The following PRKCH variants were observed in gnomAD, a reference collection of about 807,000 sequenced individuals.
PRKCH encodes the protein protein kinase C eta, also known as protein kinase C eta type.
A neutral mutation model predicts 82.5 loss-of-function variants in PRKCH; 28 were observed. The ratio of observed to expected loss-of-function variants is 0.34; its 90% CI spans 0.25 to 0.47. The LOEUF (loss-of-function observed/expected upper bound fraction) is 0.47. PRKCH is among the 20% of genes least tolerant of loss of function. The probability of loss-of-function intolerance (pLI) is 1.00; values close to 1 mark genes in which losing one functional copy is unlikely to be tolerated. For synonymous variants in PRKCH, 322 were observed against 327.4 expected, an observed-to-expected ratio of 0.98 and a Z score of 0.18; for missense variants, 705 against 881.8, an observed-to-expected ratio of 0.80 and a Z score of 2.54.
chr14:61,314,977 T>C (rs964343326), intron 1 of PRKCH, among the ~76,000 whole-genome samples: 2 of 152,222 alleles, frequency 1.3e-5, no homozygotes, highest in African/African-American at 4.8e-5. Context: ...ATATTTCTAG[T>C]TGTGGGTCGT....
chr14:61,209,642 G>C (rs1011917278), intron 1 of PRKCH, among the ~76,000 whole-genome samples: 2 of 152,112 alleles, frequency 1.3e-5, no homozygotes, highest in African/African-American at 4.8e-5. Flanking sequence ...TCCAAACTCA[G>C]GGTGCCATAA....
chr14:61,390,187 T>A (rs1021196841), intron 1 of PRKCH, among the ~76,000 whole-genome samples: 1 of 152,230 alleles, frequency 6.6e-6, no homozygotes, highest in Admixed American at 6.5e-5. Context: ...CCTAAGCTAG[T>A]GGTGATCAGA....
At chr14:61,292,771 CAAAA>C (rs33918460) in intron 1 of PRKCH, among the ~76,000 whole-genome samples, 2 of 69,580 alleles carry the variant, frequency 2.9e-5, no homozygotes, top group Non-Finnish European at 4.9e-5. Flanking sequence ...ACTCCATCTC[CAAAA>C]AAAAAAAAAA....
At chr14:61,523,596 A>T (rs187572379) in intron 10 of PRKCH, among the ~76,000 whole-genome samples, 1 of 152,320 alleles carries the variant, frequency 6.6e-6, no homozygotes, top group Non-Finnish European at 1.5e-5. Context: ...TAGATAAAGC[A>T]CTTAGCATTT....
At chr14:61,503,284 G>T (rs1248446398) in intron 10 of PRKCH, among the ~76,000 whole-genome samples, 5 of 149,656 alleles carry the variant, frequency 3.3e-5, no homozygotes, top group Non-Finnish European at 7.4e-5. Flanking sequence ...ATTTGTATGT[G>T]TGTTAGTGGT....
chr14:61,459,292 C>A (rs1262641294), intron 9 of PRKCH, among the ~76,000 whole-genome samples: 1 of 152,168 alleles, frequency 6.6e-6, no homozygotes. Flanking sequence ...GGGAGGCTGG[C>A]AATACACCTC....
intron 1 of PRKCH, among the ~76,000 whole-genome samples, chr14:61,307,853 G>A (rs1397848990): frequency 6.6e-6 from 1 of 152,086 alleles, no homozygotes; most frequent in African/African-American, 2.4e-5. Context: ...TTATTTTTGA[G>A]TGAGACAGGG....
intron 1 of PRKCH, among the ~76,000 whole-genome samples, chr14:61,227,308 G>C (rs1018152118): frequency 2.6e-5 from 4 of 152,218 alleles, no homozygotes; most frequent in African/African-American, 9.6e-5. Context: ...TAAGATTGCT[G>C]TTGTGGCTGG....
At chr14:61,506,198 CG>C (rs1315551379) in intron 10 of PRKCH, among the ~76,000 whole-genome samples, 17 of 152,314 alleles carry the variant, frequency 1.1e-4, no homozygotes, top group African/African-American at 4.1e-4. Flanking sequence ...GCTATTCCTA[CG>C]CAGTTTGGAT....
At chr14:61,358,477 T>G (rs528400029) in intron 1 of PRKCH, among the ~76,000 whole-genome samples, 2 of 152,352 alleles carry the variant, frequency 1.3e-5, no homozygotes, top group Admixed American at 1.3e-4. Context: ...TGGACATTTC[T>G]GAGTTTTCCT....
intron 1 of PRKCH, among the ~76,000 whole-genome samples, chr14:61,326,479 A>G (rs1360626838): frequency 1.3e-5 from 2 of 152,178 alleles, no homozygotes; most frequent in African/African-American, 2.4e-5. Flanking sequence ...TTTAGGGGAG[A>G]TGAATATTTG....
chr14:61,237,389 C>T (rs1594867488), intron 1 of PRKCH, among the ~76,000 whole-genome samples: 1 of 152,182 alleles, frequency 6.6e-6, no homozygotes, highest in Non-Finnish European at 1.5e-5. Flanking sequence ...AAAGCTGTCT[C>T]TTGTGAAAAA....
At chr14:61,499,274 T>C (rs1886795978) in intron 10 of PRKCH, among the ~76,000 whole-genome samples, 1 of 152,240 alleles carries the variant, frequency 6.6e-6, no homozygotes, top group Admixed American at 6.5e-5. Flanking sequence ...ATTGTACTTT[T>C]CTGTAAACTT....
chr14:61,435,380 T>C (rs1883627611), intron 2 of PRKCH, among the ~76,000 whole-genome samples: 1 of 152,210 alleles, frequency 6.6e-6, no homozygotes. Context: ...AAGACGTCTC[T>C]AAGGTTGTTT....
intron 1 of PRKCH, chr14:61,277,362 T>A (rs192187442): frequency 1.4e-4 from 21 of 152,390 alleles, no homozygotes; most frequent in Admixed American, 1.3e-4. Context: ...TCTCACCAAC[T>A]ACTTTACTTT....
intron 1 of PRKCH, among the ~76,000 whole-genome samples, chr14:61,294,960 C>T (rs1336879327): frequency 6.6e-6 from 1 of 152,106 alleles, no homozygotes; most frequent in Admixed American, 6.5e-5. Context: ...GCAACCTGCA[C>T]CTCCCGGGTT....
chr14:61,452,665 C>G (rs1440363973), intron 6 of PRKCH: 1 of 153,400 alleles, frequency 6.5e-6, no homozygotes, highest in Non-Finnish European at 1.5e-5. Context: ...CTGAGAACCA[C>G]AGGCTCACAG....
At chr14:61,409,884 C>T (rs1035821296) in intron 2 of PRKCH, among the ~76,000 whole-genome samples, 2 of 152,142 alleles carry the variant, frequency 1.3e-5, no homozygotes, top group African/African-American at 2.4e-5. Context: ...TTGCCCCTGT[C>T]GTCTGCCTTT....
intron 2 of PRKCH, among the ~76,000 whole-genome samples, chr14:61,400,926 A>G (rs1881581729): frequency 6.6e-6 from 1 of 152,168 alleles, no homozygotes; most frequent in Admixed American, 6.5e-5. Context: ...CTGAGGTCCA[A>G]GATCTTTCTA....
Sources: gnomAD v4.1 joint callset for allele counts (sites outside exome capture counted in the v4.1 genomes callset) on GRCh38, gnomAD v4.1.1 for gene constraint, MANE v1.5 for transcripts, NCBI Gene and HGNC (gene_info 2026-07-23, HGNC 2026-07-21) for gene names.